The following TRANK1 variants were observed in gnomAD, a reference collection of about 807,000 sequenced individuals.
TRANK1 encodes tetratricopeptide repeat and ankyrin repeat containing 1, also known as TPR and ankyrin repeat-containing protein 1.
In TRANK1, 198 loss-of-function variants were observed where a neutral mutation model predicts 266.0. The observed-to-expected ratio is 0.74, with a 90% CI of 0.66 to 0.84. The LOEUF is 0.84. Among genes scored for constraint, TRANK1 ranks in the 40% least tolerant of loss-of-function variants. The pLI is 0.00. For synonymous variants in TRANK1, 1,396 were observed against 1,384.1 expected (o/e 1.01, Z -0.19); for missense variants, 3,326 against 3,634.6 (o/e 0.92, Z 2.18).
chr3:36,882,193 C>G (rs2079541668), intron 8 of TRANK1, among the ~76,000 whole-genome samples: 1 of 152,144 alleles, frequency 6.6e-6, no homozygotes, highest in Non-Finnish European at 1.5e-5. Context: ...TTTTTCTTAC[C>G]CACCAGCAAT....
intron 4 of TRANK1, 123 bp from the exon 5 acceptor site, chr3:36,895,881 G>C: frequency 1.6e-6 from 1 of 613,358 alleles, no homozygotes; most frequent in South Asian, 2.4e-5. Flanking sequence ...CTAAAGAAAG[G>C]CATTTTCAAA....
chr3:36,832,423 A>T lies in TRANK1; in HGVS notation c.7160T>A (p.Phe2387Tyr). 6.2e-7 allele frequency: 1 copy of T among 1,613,824 alleles called. No homozygotes were observed. Among genetic ancestry groups the T allele is most frequent in the Non-Finnish European group, 8.5e-7 (1 of 1,179,844 alleles). Reference protein sequence around the residue: ...GSRIKGIEGKFGMLAPNRDDE... With the variant: ...GSRIKGIEGKYGMLAPNRDDE... Reference sequence around the variant, plus strand: ...ATCCCTGTTGGGTGCCAGCATGCCAAATTTCCCTTCTATTCCTTTTATCCT... The same window carrying T: ...ATCCCTGTTGGGTGCCAGCATGCCATATTTCCCTTCTATTCCTTTTATCCT... The change falls in exon 22 of 24, where the codon TTT becomes TAT. Residue 2387 changes from phenylalanine to tyrosine, a missense_variant. By Grantham distance (22) the Phe-to-Tyr change is conservative (BLOSUM62 3). Coordinates refer to ENST00000645898, the MANE Select transcript of TRANK1 (RefSeq NM_001329998.2).
chr3:36,831,834 A>C lies in TRANK1; in HGVS notation c.7749T>G (p.Pro2583=). 1 of 1,613,930 alleles carries C rather than the reference A, an allele frequency of 6.2e-7. No individual in the cohort carries two copies. The highest frequency in any genetic ancestry group is 1.1e-5 in the South Asian group (1 of 91,080). ...TCTCCCGGAAGTGGCGATACAGGAG[A>C]GGCTTGCAGTATGGCTGCAGGATCT... ...AEEILQPYCK[P]LLYRHFREIE... The change falls in exon 22 of 24, where the codon CCT becomes CCG. Residue 2583 remains proline, a synonymous_variant. Coordinates refer to ENST00000645898, the MANE Select transcript of TRANK1 (RefSeq NM_001329998.2). The surrounding 1 kb of genome is among the most constrained non-coding windows in gnomAD (Gnocchi z 5.0).
intron 1 of TRANK1, chr3:36,929,173 CT>C (rs943007138): frequency 4.9e-5 from 7 of 141,448 alleles, no homozygotes; most frequent in African/African-American, 1.8e-4. Context: ...GAGATGGAGT[CT>C]TACTCCATTG....
At chr3:36,926,078 A>G (rs1056666229) in intron 1 of TRANK1, among the ~76,000 whole-genome samples, 2 of 152,188 alleles carry the variant, frequency 1.3e-5, no homozygotes, top group Non-Finnish European at 2.9e-5. Flanking sequence ...TATTTGTCCC[A>G]GTAATGACAT....
At chr3:36,941,746 A>G (rs1225876572) in intron 1 of TRANK1, among the ~76,000 whole-genome samples, 1 of 152,216 alleles carries the variant, frequency 6.6e-6, no homozygotes, top group African/African-American at 2.4e-5. Flanking sequence ...TCTTTGCTGT[A>G]ACTGTTACAG....
chr3:36,831,624 C>T lies in TRANK1; in HGVS notation c.7959G>A (p.Val2653=). 2 of 1,613,950 alleles carry T rather than the reference C, an allele frequency of 1.2e-6. No individual in the cohort carries two copies. The highest frequency in any genetic ancestry group is 2.2e-5 in the South Asian group (2 of 91,072). Residue 2653 remains valine, a synonymous_variant, in exon 22 of 24, where the codon GTG becomes GTA. Transcript: ENST00000645898. The surrounding 1 kb of genome is among the most constrained non-coding windows in gnomAD (Gnocchi z 5.0). ...LMDCDWRWDP[V]HTKGSIVRGL... ...CACGGACTATGGACCCTTTGGTGTG[C>T]ACAGGGTCCCACCGCCAGTCACAGT...
intron 4 of TRANK1, among the ~76,000 whole-genome samples, chr3:36,898,622 C>CG (rs2079828810): frequency 1.3e-5 from 2 of 152,180 alleles, no homozygotes; most frequent in South Asian, 4.2e-4. Context: ...GAGGCCAAGG[C>CG]GGGCGGATCA....
At position 36,889,836 on chromosome 3, in the gene TRANK1, G is replaced by A. The variant is rs1442346659; in HGVS notation, c.900C>T (p.Leu300=). 1.2e-5 allele frequency: 19 copies of A among 1,536,076 alleles called. No homozygotes were observed. The highest frequency in any genetic ancestry group is 1.2e-5 in the South Asian group (1 of 83,914). The change falls in exon 8 of 24, where the codon CTC becomes CTT. Residue 300 remains leucine, a synonymous_variant. Coordinates refer to ENST00000645898, the MANE Select transcript of TRANK1 (RefSeq NM_001329998.2). ...GGTAATGCCACTACTCACGCTTAAC[G>A]AGGTATCCTGGGGAGTGGGCAGCGA... ...HVVAAHSPGY[L]VKRQTEDVQM... is the part of the protein sequence containing the mutation.
At chr3:36,937,575 G>A (rs2080441631) in intron 1 of TRANK1, among the ~76,000 whole-genome samples, 1 of 152,176 alleles carries the variant, frequency 6.6e-6, no homozygotes, top group Admixed American at 6.5e-5. Context: ...CAGAAAAGGG[G>A]CCTTTAAAAC....
At chr3:36,920,880 ATT>A (rs1230680293) in intron 1 of TRANK1, among the ~76,000 whole-genome samples, 1 of 152,124 alleles carries the variant, frequency 6.6e-6, no homozygotes, top group East Asian at 1.9e-4. Flanking sequence ...GGGTTGTGTA[ATT>A]TTCTTATTGG....
At chr3:36,888,971 G>C (rs2079647746) in intron 8 of TRANK1, among the ~76,000 whole-genome samples, 1 of 152,120 alleles carries the variant, frequency 6.6e-6, no homozygotes, top group African/African-American at 2.4e-5. Context: ...CCTTGAACCT[G>C]GGAAGCGGAG....
intron 1 of TRANK1, among the ~76,000 whole-genome samples, chr3:36,921,599 G>T (rs2080214276): frequency 6.6e-6 from 1 of 152,116 alleles, no homozygotes; most frequent in African/African-American, 2.4e-5. Context: ...CAGGAAGAAG[G>T]GGTCCCTGCA....
chr3:36,883,809 C>T (rs1329185507), intron 8 of TRANK1, among the ~76,000 whole-genome samples: 2 of 152,200 alleles, frequency 1.3e-5, no homozygotes, highest in Admixed American at 1.3e-4. Context: ...CAAAATCAAA[C>T]AGGATGTGGG....
At chr3:36,921,064 T>C (rs2080206538) in intron 1 of TRANK1, among the ~76,000 whole-genome samples, 2 of 152,222 alleles carry the variant, frequency 1.3e-5, no homozygotes, top group African/African-American at 4.8e-5. Flanking sequence ...TCCTGACTCA[T>C]CCTGGTTACC....
chr3:36,832,328 C>T lies in TRANK1; in HGVS notation c.7255G>A (p.Val2419Met), dbSNP rs373549109. ...LLENCIDQFY[V>M]YRNPEDYKRL... The stretch of plus-strand genomic sequence containing the variant: ...TTGTAGTCTTCTGGGTTCCTGTACA[C>T]GTAGAATTGATCAATGCAATTCTCC... The change falls in exon 22 of 24, where the codon GTG (valine) becomes ATG (methionine). Residue 2419 changes from valine to methionine, a missense_variant. Transcript: ENST00000645898. 3.7e-5 allele frequency: 60 copies of T among 1,613,884 alleles called. No individual in the cohort carries two copies. The highest frequency in any genetic ancestry group is 6.6e-5 in the South Asian group (6 of 91,086).
intron 8 of TRANK1, among the ~76,000 whole-genome samples, chr3:36,875,790 A>G (rs2079379890): frequency 6.6e-6 from 1 of 152,242 alleles, no homozygotes. Context: ...TTTATGTTTA[A>G]CAATTATAGA....
intron 18 of TRANK1, among the ~76,000 whole-genome samples, chr3:36,840,740 CT>C (rs2078832895): frequency 6.6e-6 from 1 of 152,222 alleles, no homozygotes; most frequent in South Asian, 2.1e-4. Context: ...CCAGTCACCC[CT>C]GTCCCCCCGG....
rs779534231 is a variant in TRANK1, at chr3:36,831,824, G to A, written c.7759C>T (p.Arg2587Cys). 36 of 1,613,938 alleles carry A rather than the reference G, an allele frequency of 2.2e-5. No individual in the cohort carries two copies. Among genetic ancestry groups the A allele is most frequent in the East Asian group, 1.6e-4 (7 of 44,878 alleles). Residue 2587 changes from arginine to cysteine, a missense_variant, in exon 22 of 24, where the codon CGC (arginine) becomes TGC (cysteine). Transcript: ENST00000645898. The surrounding 1 kb of genome is among the most constrained non-coding windows in gnomAD (Gnocchi z 5.0). ...CTTGACTCAATCTCCCGGAAGTGGC[G>A]ATACAGGAGAGGCTTGCAGTATGGC... ...LQPYCKPLLYRHFREIESRLQ... is the reference protein window; with the variant it reads ...LQPYCKPLLYCHFREIESRLQ...
Sources: allele counts gnomAD v4.1 joint callset (sites outside exome capture counted in the v4.1 genomes callset), GRCh38; gene constraint gnomAD v4.1.1; non-coding constraint Gnocchi (gnomAD v3.1); transcripts MANE v1.5; gene names NCBI Gene and HGNC (gene_info 2026-07-23, HGNC 2026-07-21).